The following SLC35F4 variants were observed in gnomAD, a reference collection of about 807,000 sequenced individuals.
SLC35F4 encodes the protein solute carrier family 35 member F4, also known as chromosome 14 open reading frame 36.
SLC35F4 carries 24 observed loss-of-function variants against 44.2 expected under a neutral mutation model. The observed-to-expected ratio is 0.54, with a 90% CI of 0.39 to 0.76. The LOEUF (loss-of-function observed/expected upper bound fraction) is 0.76, where lower values mean the gene tolerates loss of function less well. Ranked by LOEUF, SLC35F4 falls within the 30% of genes least tolerant of loss-of-function variation. The pLI is 0.00. For missense variants in SLC35F4, 562 were observed against 586.1 expected, an observed-to-expected ratio of 0.96 and a Z score of 0.42; for synonymous variants, 238 against 223.6, an observed-to-expected ratio of 1.06 and a Z score of -0.57.
chr14:57,850,191 G>GT (rs1337938143), intron 1 of SLC35F4, among the ~76,000 whole-genome samples: 2 of 152,192 alleles, frequency 1.3e-5, no homozygotes, highest in African/African-American at 4.8e-5. Context: ...CACATGAAAA[G>GT]TTGCAACGTC....
intron 1 of SLC35F4, among the ~76,000 whole-genome samples, chr14:57,636,408 G>A (rs2073020268): frequency 6.6e-6 from 1 of 152,134 alleles, no homozygotes; most frequent in East Asian, 1.9e-4. Context: ...CAGCACACTT[G>A]TAGACTGCTT....
Position 57,566,369 on chromosome 14 carries a change from G to A in SLC35F4, c.1216+106C>T, listed in dbSNP as rs932165236. 1.4e-5 allele frequency: 15 copies of A among 1,041,146 alleles called. No individual in the cohort carries two copies. The Admixed American group carries it at 2.1e-4, about 15-fold the overall frequency. 64.5% of individuals were successfully genotyped at this position (1,041,146 alleles called of 1,614,324 possible). The stretch of plus-strand genomic sequence containing the variant: ...TATTTAAAAACATCTTCCCAGGCAA[G>A]GAACATAATTCACAATTTCTAGAAG... On this transcript the variant is annotated intron_variant, in intron 7 of 7. Coordinates refer to ENST00000556826, the MANE Select transcript of SLC35F4 (RefSeq NM_001306087.2).
chr14:57,772,588 T>C (rs2077393820), intron 1 of SLC35F4, among the ~76,000 whole-genome samples: 5 of 152,198 alleles, frequency 3.3e-5, no homozygotes, highest in Admixed American at 3.3e-4. Flanking sequence ...ACCCATTGTT[T>C]AGTTTCCACT....
At chr14:57,860,932 C>A (rs987280396) in intron 1 of SLC35F4, among the ~76,000 whole-genome samples, 1 of 152,108 alleles carries the variant, frequency 6.6e-6, no homozygotes, top group African/African-American at 2.4e-5. Context: ...TATACAACTC[C>A]GTTGTCCCTA....
chr14:57,645,671 T>C (rs1260858702), intron 1 of SLC35F4, among the ~76,000 whole-genome samples: 1 of 150,898 alleles, frequency 6.6e-6, no homozygotes, highest in Non-Finnish European at 1.5e-5. Flanking sequence ...TGAATAGGAG[T>C]GGTGAGAGAG....
At chr14:57,863,219 A>G (rs776730449) in intron 1 of SLC35F4, among the ~76,000 whole-genome samples, 4 of 152,228 alleles carry the variant, frequency 2.6e-5, no homozygotes, top group Non-Finnish European at 2.9e-5. Context: ...ATAACTGTTC[A>G]TTAATTGAAC....
intron 1 of SLC35F4, among the ~76,000 whole-genome samples, chr14:57,756,496 A>T (rs144921159): frequency 8.0e-4 from 122 of 152,018 alleles, no homozygotes; most frequent in Non-Finnish European, 1.2e-3. Flanking sequence ...TATTGCTAGG[A>T]TATGGTCTAT....
In SLC35F4 at chr14:57,564,327, A is replaced by C; in HGVS notation, c.1266T>G (p.Ala422=). The C allele has an allele frequency of 6.2e-7, 1 of 1,611,418 alleles. No homozygotes were observed. The highest frequency in any genetic ancestry group is 8.5e-7 in the Non-Finnish European group (1 of 1,178,810). Residue 422 remains alanine, a synonymous_variant, in exon 8 of 8, where the codon GCT becomes GCG. Coordinates refer to ENST00000556826, the MANE Select transcript of SLC35F4 (RefSeq NM_001306087.2). ...ACCCAATGCAGATGATGATGGTAGC[A>C]GCCAGGCGGACAACATTGAATATCA... ...QEVIFNVVRL[A]ATIIICIGFL...
At chr14:57,899,571 A>ATTCCCT (rs1888954430) in intron 1 of SLC35F4, among the ~76,000 whole-genome samples, 1 of 152,244 alleles carries the variant, frequency 6.6e-6, no homozygotes, top group Non-Finnish European at 1.5e-5. Flanking sequence ...CGGATACAGA[A>ATTCCCT]TATCCGTCTG....
At chr14:57,862,700 T>C (rs1196751916) in intron 1 of SLC35F4, among the ~76,000 whole-genome samples, 1 of 152,260 alleles carries the variant, frequency 6.6e-6, no homozygotes, top group Non-Finnish European at 1.5e-5. Context: ...TGCTGAATTG[T>C]TACTTCCTCA....
intron 1 of SLC35F4, among the ~76,000 whole-genome samples, chr14:57,637,921 C>T (rs116484730): frequency 0.021 from 3,204 of 152,126 alleles, 58 homozygotes; most frequent in South Asian, 0.07. Flanking sequence ...CCTTTTGCAG[C>T]TAGACACCAC....
chr14:57,867,476 G>A (rs1888199722), upstream of SLC35F4, among the ~76,000 whole-genome samples: 1 of 152,004 alleles, frequency 6.6e-6, no homozygotes, highest in East Asian at 1.9e-4. Flanking sequence ...CCTGTTTTCT[G>A]GGCTAGGAAA....
chr14:57,909,541 T>TACAC (rs56024301), intron 1 of SLC35F4, among the ~76,000 whole-genome samples: 5 of 148,540 alleles, frequency 3.4e-5, no homozygotes, highest in Admixed American at 6.8e-5. Context: ...CAGTTGGAAA[T>TACAC]ACACACACAC....
chr14:57,572,907 C>CA (rs1432622861), intron 4 of SLC35F4, among the ~76,000 whole-genome samples: 1 of 152,198 alleles, frequency 6.6e-6, no homozygotes, highest in East Asian at 1.9e-4. Flanking sequence ...GAACAGGTGA[C>CA]AATATGTCAT....
At chr14:57,852,077 C>T (rs1209800513) in intron 1 of SLC35F4, among the ~76,000 whole-genome samples, 2 of 152,300 alleles carry the variant, frequency 1.3e-5, no homozygotes, top group Non-Finnish European at 2.9e-5. Context: ...CCTACCTACT[C>T]TTAGGGACAT....
intron 1 of SLC35F4, among the ~76,000 whole-genome samples, chr14:57,836,217 A>T (rs1016210958): frequency 5.3e-5 from 8 of 152,170 alleles, no homozygotes; most frequent in African/African-American, 1.9e-4. Context: ...TTTGCTTAAT[A>T]GTTTTTCTCT....
At chr14:57,748,456 C>T (rs2076810458) in intron 1 of SLC35F4, among the ~76,000 whole-genome samples, 1 of 152,002 alleles carries the variant, frequency 6.6e-6, no homozygotes, top group South Asian at 2.1e-4. Flanking sequence ...ATTCAGGAAC[C>T]ACCTGCATCA....
rs2069240779 is a variant in SLC35F4, at chr14:57,581,343, A to G, written c.678T>C (p.Thr226=). ...TTAAAGCCAGTAAATAAAGGTAATT[A>G]GTCAAAGTCCATAGAATAGAAAAGG... ...TAPFSILWTL[T]NYLYLLALKK... is the part of the protein sequence containing the mutation. The change falls in exon 4 of 8, where the codon ACT becomes ACC. Residue 226 remains threonine (T), a synonymous_variant. Coordinates refer to ENST00000556826, the MANE Select transcript of SLC35F4 (RefSeq NM_001306087.2). 6.2e-7 allele frequency: 1 copy of G among 1,613,502 alleles called. No homozygotes were observed. The highest frequency in any genetic ancestry group is 1.7e-5 in the Admixed American group (1 of 59,928).
At chr14:57,826,970 A>G (rs1595154230) in intron 1 of SLC35F4, among the ~76,000 whole-genome samples, 2 of 152,172 alleles carry the variant, frequency 1.3e-5, no homozygotes, top group Non-Finnish European at 2.9e-5. Context: ...AAGACCTAGA[A>G]TCAGAAATAC....
Sources: allele counts gnomAD v4.1 joint callset (sites outside exome capture counted in the v4.1 genomes callset), GRCh38; gene constraint gnomAD v4.1.1; transcripts MANE v1.5; gene names NCBI Gene and HGNC (gene_info 2026-07-23, HGNC 2026-07-21).